Variants in RBMS1 observed in about 807,000 individuals in gnomAD.
RBMS1 encodes the protein RNA binding motif single stranded interacting protein 1.
A neutral mutation model predicts 62.3 loss-of-function variants in RBMS1; 17 were observed. The observed-to-expected ratio is 0.27, with a 90% CI of 0.19 to 0.41. The LOEUF (loss-of-function observed/expected upper bound fraction) is 0.41, where lower values mean the gene tolerates loss of function less well. RBMS1 is among the 10% of genes least tolerant of loss of function. RBMS1 has a pLI of 1.00. For synonymous variants in RBMS1, 172 were observed against 170.0 expected (o/e 1.01, Z -0.09); for missense variants, 334 against 504.5 (o/e 0.66, Z 3.24).
At chr2:160,316,804 ACTTGT>A (rs1231050275) in intron 3 of RBMS1, among the ~76,000 whole-genome samples, 1 of 151,956 alleles carries the variant, frequency 6.6e-6, no homozygotes, top group Non-Finnish European at 1.5e-5. Context: ...GGATAAAACC[ACTTGT>A]CTACTCTGAT....
chr2:160,372,810 G>T (rs547032820), intron 1 of RBMS1, among the ~76,000 whole-genome samples: 28 of 152,092 alleles, frequency 1.8e-4, no homozygotes, highest in Non-Finnish European at 2.4e-4. Context: ...ACTGGAGAGG[G>T]GTGAGAAACT....
At chr2:160,301,924 C>G (rs947566780) in intron 5 of RBMS1, among the ~76,000 whole-genome samples, 1 of 152,180 alleles carries the variant, frequency 6.6e-6, no homozygotes, top group Non-Finnish European at 1.5e-5. Context: ...CTCAGAAATT[C>G]TTCCTACAAA....
chr2:160,293,596 G>A (rs1011061202), intron 6 of RBMS1, among the ~76,000 whole-genome samples: 3 of 152,162 alleles, frequency 2.0e-5, no homozygotes, highest in African/African-American at 7.2e-5. Context: ...ATGTCATGGA[G>A]AGGTTCAGAA....
chr2:160,453,229 C>T (rs1186447138), intron 1 of RBMS1, among the ~76,000 whole-genome samples: 4 of 151,760 alleles, frequency 2.6e-5, no homozygotes, highest in Non-Finnish European at 4.4e-5. Flanking sequence ...AAAATATGTG[C>T]AAAACCCTGG....
chr2:160,349,906 G>T (rs1573910015), intron 2 of RBMS1, among the ~76,000 whole-genome samples: 1 of 152,092 alleles, frequency 6.6e-6, no homozygotes, highest in East Asian at 1.9e-4. Context: ...AAGGGTGGCT[G>T]AAGTAAGCTG....
chr2:160,468,791 T>C (rs1684800653), intron 1 of RBMS1, among the ~76,000 whole-genome samples: 1 of 152,218 alleles, frequency 6.6e-6, no homozygotes, highest in Non-Finnish European at 1.5e-5. Context: ...AGTGAACATA[T>C]ATTTTGGTCA....
chr2:160,469,949 T>C (rs1684852099), intron 1 of RBMS1, among the ~76,000 whole-genome samples: 1 of 152,252 alleles, frequency 6.6e-6, no homozygotes, highest in South Asian at 2.1e-4. Context: ...TGGCCTGTAC[T>C]GGCAACATCT....
chr2:160,311,774 T>A (rs1689938050), intron 4 of RBMS1, among the ~76,000 whole-genome samples: 1 of 152,132 alleles, frequency 6.6e-6, no homozygotes, highest in African/African-American at 2.4e-5. Flanking sequence ...ACTGCTGAGT[T>A]TCAGGCTTGA....
chr2:160,459,150 C>T (rs1465152014), intron 1 of RBMS1, among the ~76,000 whole-genome samples: 4 of 152,226 alleles, frequency 2.6e-5, no homozygotes, highest in Non-Finnish European at 5.9e-5. Flanking sequence ...TCCAAATAAT[C>T]CCGTTAATAG....
At chr2:160,487,734 TC>T (rs1355662970) in intron 1 of RBMS1, among the ~76,000 whole-genome samples, 2 of 152,234 alleles carry the variant, frequency 1.3e-5, no homozygotes. Flanking sequence ...ATCTAGGTTT[TC>T]ATATTCAATG....
chr2:160,337,668 A>C (rs1394130473), intron 2 of RBMS1, among the ~76,000 whole-genome samples: 2 of 151,864 alleles, frequency 1.3e-5, no homozygotes, highest in East Asian at 3.9e-4. Context: ...ACTGGGGGGG[A>C]GGGGAACCAC....
At chr2:160,452,079 A>G (rs1684015600) in intron 1 of RBMS1, among the ~76,000 whole-genome samples, 3 of 152,212 alleles carry the variant, frequency 2.0e-5, no homozygotes, top group Admixed American at 2.0e-4. Flanking sequence ...TTAAGTATCA[A>G]TCATGGCAGG....
chr2:160,427,221 T>C (rs1682673724), intron 1 of RBMS1, among the ~76,000 whole-genome samples: 1 of 152,208 alleles, frequency 6.6e-6, no homozygotes, highest in Non-Finnish European at 1.5e-5. Flanking sequence ...ACATTTTCCT[T>C]CTTTAAAATA....
intron 6 of RBMS1, among the ~76,000 whole-genome samples, chr2:160,298,322 A>G (rs1689046563): frequency 6.6e-6 from 1 of 152,132 alleles, no homozygotes; most frequent in African/African-American, 2.4e-5. Context: ...AAGGGGGACT[A>G]GTGTAGTTCT....
chr2:160,414,476 A>G (rs1696144916), intron 1 of RBMS1, among the ~76,000 whole-genome samples: 2 of 152,190 alleles, frequency 1.3e-5, no homozygotes, highest in African/African-American at 4.8e-5. Flanking sequence ...GTGAGAGACC[A>G]TATTAGATAT....
At chr2:160,390,377 G>A (rs1694794408) in intron 1 of RBMS1, among the ~76,000 whole-genome samples, 1 of 152,156 alleles carries the variant, frequency 6.6e-6, no homozygotes, top group Admixed American at 6.5e-5. Flanking sequence ...GCTTGGAGGA[G>A]AGGAAGGAAA....
At chr2:160,487,644 A>G (rs1685651430) in intron 1 of RBMS1, among the ~76,000 whole-genome samples, 1 of 152,224 alleles carries the variant, frequency 6.6e-6, no homozygotes, top group Non-Finnish European at 1.5e-5. Flanking sequence ...ATCACCCACC[A>G]ACATTGATTT....
intron 1 of RBMS1, among the ~76,000 whole-genome samples, chr2:160,474,714 G>A (rs1685056036): frequency 6.6e-6 from 1 of 152,232 alleles, no homozygotes; most frequent in South Asian, 2.1e-4. Flanking sequence ...CAAACTTAGA[G>A]CTTGTTCCTT....
intron 1 of RBMS1, among the ~76,000 whole-genome samples, chr2:160,374,622 T>G (rs989547984): frequency 3.9e-5 from 6 of 152,064 alleles, no homozygotes; most frequent in Non-Finnish European, 8.8e-5. Flanking sequence ...AAAATAATGT[T>G]TATAACAATA....
Sources: allele counts gnomAD v4.1 joint callset (sites outside exome capture counted in the v4.1 genomes callset), GRCh38; gene constraint gnomAD v4.1.1; transcripts MANE v1.5; gene names NCBI Gene and HGNC (gene_info 2026-07-23, HGNC 2026-07-21).